The following PSD3 variants were observed in gnomAD, a reference collection of about 807,000 sequenced individuals.
PSD3 encodes the protein pleckstrin and Sec7 domain containing 3.
In PSD3, 49 loss-of-function variants were observed where a neutral mutation model predicts 105.5. The observed-to-expected ratio is 0.46, with a 90% CI of 0.37 to 0.59. The LOEUF is 0.59. PSD3 is among the 20% of genes least tolerant of loss of function. The pLI is 0.00. For missense variants in PSD3, 1,561 were observed against 1,263.8 expected (o/e 1.24, Z -3.57); for synonymous variants, 557 against 457.8 (o/e 1.22, Z -2.77).
intron 4 of PSD3, among the ~76,000 whole-genome samples, chr8:18,813,463 A>G (rs1482305812): frequency 6.6e-6 from 1 of 152,146 alleles, no homozygotes; most frequent in Non-Finnish European, 1.5e-5. Context: ...CACCTGGGAG[A>G]GGCTAGAGCA....
At chr8:18,701,150 T>C (rs1487916432) in intron 9 of PSD3, among the ~76,000 whole-genome samples, 1 of 140,808 alleles carries the variant, frequency 7.1e-6, no homozygotes. Flanking sequence ...TTTTTTTTTC[T>C]GTAGAGACAG....
chr8:18,815,677 T>C (rs998558064), intron 4 of PSD3, among the ~76,000 whole-genome samples: 2 of 152,200 alleles, frequency 1.3e-5, no homozygotes, highest in South Asian at 4.1e-4. Context: ...GTGTTTCTCT[T>C]TGGCGTGTTT....
At chr8:18,906,353 A>G (rs200206097) in intron 2 of PSD3, among the ~76,000 whole-genome samples, 2 of 152,220 alleles carry the variant, frequency 1.3e-5, no homozygotes, top group East Asian at 3.8e-4. Flanking sequence ...ATTTCAATGC[A>G]CTAATAAGAT....
chr8:18,636,352 G>GT (rs1224697141), intron 10 of PSD3, among the ~76,000 whole-genome samples: 1 of 152,164 alleles, frequency 6.6e-6, no homozygotes, highest in African/African-American at 2.4e-5. Flanking sequence ...AGGATATAAT[G>GT]TTTTTGTACA....
At chr8:18,618,581 CTAAAA>C (rs1032797341) in intron 11 of PSD3, among the ~76,000 whole-genome samples, 3 of 141,012 alleles carry the variant, frequency 2.1e-5, no homozygotes, top group African/African-American at 7.4e-5. Flanking sequence ...TATTTTGTAA[CTAAAA>C]TAACAACTGG....
At chr8:19,064,589 G>A (rs956419388) in intron 1 of PSD3, among the ~76,000 whole-genome samples, 34 of 152,026 alleles carry the variant, frequency 2.2e-4, no homozygotes, top group East Asian at 5.8e-4. Flanking sequence ...TAATCTAAAC[G>A]CTGCTCAGCA....
chr8:18,959,665 T>G (rs1823792699), intron 1 of PSD3, among the ~76,000 whole-genome samples: 1 of 152,100 alleles, frequency 6.6e-6, no homozygotes, highest in African/African-American at 2.4e-5. Context: ...TTACTTTTAT[T>G]ACTGATAAAA....
chr8:18,993,095 A>C (rs1340465491), intron 1 of PSD3, among the ~76,000 whole-genome samples: 1 of 152,196 alleles, frequency 6.6e-6, no homozygotes, highest in African/African-American at 2.4e-5. Flanking sequence ...CCTCTGTCCC[A>C]TTAAAATTGG....
At chr8:19,060,620 T>G (rs1828863895) in intron 1 of PSD3, among the ~76,000 whole-genome samples, 1 of 152,194 alleles carries the variant, frequency 6.6e-6, no homozygotes, top group East Asian at 1.9e-4. Flanking sequence ...GGCAACAGAG[T>G]GAGACCCCAT....
At chr8:18,912,665 C>G (rs1417398790) in intron 2 of PSD3, among the ~76,000 whole-genome samples, 1 of 152,192 alleles carries the variant, frequency 6.6e-6, no homozygotes, top group East Asian at 1.9e-4. Flanking sequence ...AGTTCCACAA[C>G]CTGACCAGGG....
At chr8:18,804,661 A>G (rs1811038221) in intron 5 of PSD3, 43 bp downstream of exon 5, 2 of 1,611,948 alleles carry the variant, frequency 1.2e-6, no homozygotes, top group South Asian at 1.1e-5. Context: ...AACACACACA[A>G]AACAGGAGAG....
chr8:18,714,112 C>A (rs562643300), intron 9 of PSD3, among the ~76,000 whole-genome samples: 4 of 152,144 alleles, frequency 2.6e-5, no homozygotes, highest in Non-Finnish European at 5.9e-5. Context: ...CTTCCTTATA[C>A]CTTATACAAA....
intron 8 of PSD3, among the ~76,000 whole-genome samples, chr8:18,777,734 G>C (rs149015749): frequency 6.6e-6 from 1 of 151,868 alleles, no homozygotes; most frequent in Admixed American, 6.6e-5. Flanking sequence ...TTCATCCTCC[G>C]GTGCTATGAA....
At chr8:18,906,545 C>T (rs556027009) in intron 2 of PSD3, among the ~76,000 whole-genome samples, 2 of 152,304 alleles carry the variant, frequency 1.3e-5, no homozygotes, top group South Asian at 4.2e-4. Context: ...CCTGGTGATC[C>T]TGCCATGTAT....
chr8:18,797,754 T>G (rs1586032266), intron 8 of PSD3, among the ~76,000 whole-genome samples: 2 of 152,306 alleles, frequency 1.3e-5, no homozygotes, highest in Middle Eastern at 6.8e-3. Flanking sequence ...CTGCAACCTT[T>G]AAAGAGAAAT....
intron 9 of PSD3, among the ~76,000 whole-genome samples, chr8:18,671,633 T>G (rs1385867048): frequency 6.7e-6 from 1 of 149,356 alleles, no homozygotes; most frequent in East Asian, 2.0e-4. Context: ...TGTTTTTTTG[T>G]TTTTTGTTTT....
rs115481525 is a variant in PSD3, at chr8:19,007,325, T to C, written c.21+6238A>G. ...AATGCCATCTATTAAAAAAGCACTT[T>C]TGCTGTAAAGTTGCCCTAATATAGT... On this transcript the variant is annotated intron_variant, in intron 1 of 15. Coordinates refer to ENST00000327040, the MANE Select transcript of PSD3 (RefSeq NM_015310.4). Among the ~76,000 whole-genome samples, 1,012 of 152,120 alleles carry C rather than the reference T, an allele frequency of 6.7e-3. 11 individuals are homozygous for C. The highest frequency in any genetic ancestry group is 0.023 in the African/African-American group (965 of 41,528).
rs1280445095 is a variant in PSD3, at chr8:18,871,824, G to A, written c.1040C>T (p.Ser347Leu). 1 of 1,614,166 alleles carries A rather than the reference G, an allele frequency of 6.2e-7. No homozygotes were observed. The highest frequency in any genetic ancestry group is 1.7e-5 in the Admixed American group (1 of 60,026). Residue 347 changes from serine to leucine, a missense_variant, in exon 3 of 16, where the codon TCA (serine) becomes TTA (leucine). By Grantham distance (145) the Ser-to-Leu change is moderately radical (BLOSUM62 -2). Transcript: ENST00000327040. ...SSKVPRHLIS[S>L]AGLCNSSSLT... ...ACTACTTGAATTACACAAACCAGCT[G>A]ATGAGATGAGATGGCGTGGCACTTT...
In PSD3 at chr8:18,872,569, C is replaced by T; in HGVS notation, c.295G>A (p.Gly99Ser). 5.0e-6 allele frequency: 8 copies of T among 1,613,988 alleles called. No homozygotes were observed. Among genetic ancestry groups the T allele is most frequent in the Non-Finnish European group, 6.8e-6 (8 of 1,179,960 alleles). ...QEQQGVQPLT[G>S]CHSGLDSVTE... is the part of the protein sequence containing the mutation. ...ACACTGTCGAGCCCAGAGTGGCAGC[C>T]AGTAAGAGGCTGGACACCCTGCTGC... The change falls in exon 3 of 16, where the codon GGC (glycine) becomes AGC (serine). Residue 99 changes from glycine (G) to serine (S), a missense_variant. Physicochemically the swap from Gly to Ser is moderately conservative, Grantham distance 56. Coordinates refer to ENST00000327040, the MANE Select transcript of PSD3 (RefSeq NM_015310.4).
Sources: gnomAD v4.1 joint callset for allele counts (sites outside exome capture counted in the v4.1 genomes callset) on GRCh38, gnomAD v4.1.1 for gene constraint, MANE v1.5 for transcripts, NCBI Gene and HGNC (gene_info 2026-07-23, HGNC 2026-07-21) for gene names.